The following AGBL1 variants were observed in gnomAD, a reference collection of about 807,000 sequenced individuals.
The protein encoded by AGBL1 is AGBL carboxypeptidase 1.
AGBL1 carries 130 observed loss-of-function variants against 118.9 expected under a neutral mutation model. The ratio of observed to expected loss-of-function variants is 1.09; its 90% CI spans 0.95 to 1.26. The LOEUF (loss-of-function observed/expected upper bound fraction) is 1.26. Among genes scored for constraint, AGBL1 ranks in the 50% most tolerant of loss-of-function variants. AGBL1 has a pLI of 0.00. For missense variants in AGBL1, 1,584 were observed against 1,298.1 expected, an observed-to-expected ratio of 1.22 and a Z score of -3.38; for synonymous variants, 555 against 478.9, an observed-to-expected ratio of 1.16 and a Z score of -2.08.
chr15:86,899,415 A>G (rs2080180779), intron 22 of AGBL1, among the ~76,000 whole-genome samples: 1 of 152,162 alleles, frequency 6.6e-6, no homozygotes, highest in Admixed American at 6.5e-5. Flanking sequence ...AGAGGAGCAG[A>G]AAAGAGAACT....
chr15:86,657,162 G>A (rs1415082260), intron 21 of AGBL1, among the ~76,000 whole-genome samples: 1 of 152,088 alleles, frequency 6.6e-6, no homozygotes, highest in Non-Finnish European at 1.5e-5. Context: ...CTTCCACTAA[G>A]CCTTCAGCAG....
chr15:86,276,876 G>A (rs949936689), intron 15 of AGBL1, among the ~76,000 whole-genome samples: 1 of 152,184 alleles, frequency 6.6e-6, no homozygotes, highest in Non-Finnish European at 1.5e-5. Context: ...TGGATGAACT[G>A]AACTGTAGCA....
At chr15:86,216,978 T>A (rs569280040) in intron 5 of AGBL1, among the ~76,000 whole-genome samples, 1 of 152,332 alleles carries the variant, frequency 6.6e-6, no homozygotes, top group East Asian at 1.9e-4. Context: ...TCCTGATAAT[T>A]GCATGACAAC....
At chr15:86,398,475 A>G (rs2081399638) in intron 18 of AGBL1, among the ~76,000 whole-genome samples, 1 of 152,192 alleles carries the variant, frequency 6.6e-6, no homozygotes, top group South Asian at 2.1e-4. Context: ...AAAATTCAAA[A>G]CCTACAATGG....
chr15:86,132,794 C>A (rs1212842657), intron 1 of AGBL1, among the ~76,000 whole-genome samples: 2 of 152,190 alleles, frequency 1.3e-5, no homozygotes, highest in African/African-American at 2.4e-5. Context: ...AGCATGCAAT[C>A]TCACCCTCTT....
At chr15:86,955,249 A>G (rs1441163906) in intron 23 of AGBL1, among the ~76,000 whole-genome samples, 2 of 152,148 alleles carry the variant, frequency 1.3e-5, no homozygotes, top group Non-Finnish European at 2.9e-5. Context: ...ATTCATTGTA[A>G]TGAAATTTTT....
chr15:86,778,178 G>C (rs2078285234), intron 22 of AGBL1, among the ~76,000 whole-genome samples: 1 of 152,036 alleles, frequency 6.6e-6, no homozygotes, highest in Non-Finnish European at 1.5e-5. Flanking sequence ...GTATGAATAG[G>C]GTGTGGGTCA....
intron 23 of AGBL1, among the ~76,000 whole-genome samples, chr15:86,957,941 CCTATAATTCCTGCA>C (rs2080947881): frequency 6.6e-6 from 1 of 152,052 alleles, no homozygotes; most frequent in Non-Finnish European, 1.5e-5. Context: ...GTGGCTCACA[CCTATAATTCCTGCA>C]CTTTTAGAGG....
intron 17 of AGBL1, among the ~76,000 whole-genome samples, chr15:86,319,289 C>A (rs1052997879): frequency 3.9e-5 from 6 of 152,124 alleles, no homozygotes; most frequent in African/African-American, 1.2e-4. Flanking sequence ...TAACTTCCTG[C>A]CAGTTGTGAA....
chr15:86,360,734 C>T (rs12592526), intron 17 of AGBL1, among the ~76,000 whole-genome samples: 6,412 of 151,870 alleles, frequency 0.042, 277 homozygotes, highest in East Asian at 0.21. Context: ...TTGGTATGTT[C>T]AGGATTTCTG....
rs147770890 is a variant in AGBL1, at chr15:86,655,719, G to A, written c.2995-18554G>A. Among the ~76,000 whole-genome samples, 209 of 152,296 alleles carry A rather than the reference G, an allele frequency of 1.4e-3. 1 individual carries two copies. Among genetic ancestry groups the A allele is most frequent in the Admixed American group, 2.7e-3 (42 of 15,286 alleles). On this transcript the variant is annotated intron_variant, in intron 21 of 22. Coordinates refer to ENST00000614907, the MANE Select transcript of AGBL1 (RefSeq NM_001386094.1). ...TGCTGTTGTCACTTGCTGGGAGAAG[G>A]GAAGTCATTGCTAACTTGCAGTGGT...
intron 21 of AGBL1, among the ~76,000 whole-genome samples, chr15:86,607,522 A>G (rs1183652720): frequency 6.6e-6 from 1 of 152,106 alleles, no homozygotes; most frequent in Non-Finnish European, 1.5e-5. Flanking sequence ...TGGCTGTGGC[A>G]TTTTGCATTC....
chr15:86,825,482 C>G (rs2078995797), intron 22 of AGBL1, among the ~76,000 whole-genome samples: 1 of 133,264 alleles, frequency 7.5e-6, no homozygotes, highest in African/African-American at 2.8e-5. Context: ...AATAAAAACT[C>G]TTACAACTCA....
At chr15:86,620,866 T>C (rs2084792694) in intron 21 of AGBL1, among the ~76,000 whole-genome samples, 1 of 152,082 alleles carries the variant, frequency 6.6e-6, no homozygotes. Context: ...GCCGCCTGCA[T>C]GTCTCTCTTC....
At chr15:86,636,753 A>G (rs2085100183) in intron 21 of AGBL1, among the ~76,000 whole-genome samples, 1 of 71,986 alleles carries the variant, frequency 1.4e-5, no homozygotes. Flanking sequence ...ATATATATAT[A>G]TATATACACA....
rs1208307195 is a variant in AGBL1, at chr15:86,215,218, TGTATGC to T, written c.489-9693_489-9688del. Among the ~76,000 whole-genome samples the T allele has an allele frequency of 3.2e-3, 318 of 100,362 alleles. 1 individual carries two copies. Among genetic ancestry groups the T allele is most frequent in the African/African-American group, 0.011 (310 of 27,832 alleles). The allele number at this position is 100,362 out of a possible 152,430, so 65.8% of individuals were successfully genotyped here. A position where few individuals can be genotyped will look rare whatever the true frequency, so the allele number is the denominator to read the frequency against. ...CTCTGTGTGTGTGTGTGAGTGTATA[TGTATGC>T]GTGTGTGTGTGTGTGTGTGTGTGTG... On this transcript the variant is annotated intron_variant, in intron 5 of 22. Transcript: ENST00000614907.
intron 5 of AGBL1, among the ~76,000 whole-genome samples, chr15:86,177,760 A>G (rs1054503703): frequency 6.6e-6 from 1 of 152,230 alleles, no homozygotes; most frequent in African/African-American, 2.4e-5. Context: ...TGAGTATAGC[A>G]TATTAAAATC....
At chr15:86,889,870 C>A (rs1411273086) in intron 22 of AGBL1, among the ~76,000 whole-genome samples, 2 of 152,150 alleles carry the variant, frequency 1.3e-5, no homozygotes, top group African/African-American at 4.8e-5. Context: ...ATGCATGTAT[C>A]TTTGTAATAG....
At chr15:86,785,385 G>GT (rs983041878) in intron 22 of AGBL1, among the ~76,000 whole-genome samples, 2 of 74,126 alleles carry the variant, frequency 2.7e-5, no homozygotes, top group African/African-American at 5.0e-5. Context: ...TTTTGTTTTT[G>GT]TTTTTTTGAG....
Sources: allele counts gnomAD v4.1 joint callset (sites outside exome capture counted in the v4.1 genomes callset), GRCh38; gene constraint gnomAD v4.1.1; transcripts MANE v1.5; gene names NCBI Gene and HGNC (gene_info 2026-07-23, HGNC 2026-07-21).